Variants in OTOF observed in about 807,000 individuals in gnomAD.
The protein encoded by OTOF is otoferlin, also known as fer-1-like family member 2.
In OTOF, 218 loss-of-function variants were observed where a neutral mutation model predicts 236.8. The ratio of observed to expected loss-of-function variants is 0.92; its 90% CI spans 0.82 to 1.03. The LOEUF is 1.03. Among genes scored for constraint, OTOF ranks in the 50% least tolerant of loss-of-function variants. OTOF has a pLI of 0.00. For missense variants in OTOF, 2,590 were observed against 2,694.4 expected (o/e 0.96, Z 0.86); for synonymous variants, 1,041 against 1,072.5 (o/e 0.97, Z 0.57).
chr2:26,466,690 G>A (rs1664742052), intron 36 of OTOF, 24 bp downstream of exon 36: 1 of 1,613,878 alleles, frequency 6.2e-7, no homozygotes, highest in African/African-American at 1.3e-5. Flanking sequence ...GACTTGCAAG[G>A]AGGGAAAGCG....
chr2:26,523,554 G>A (rs569146954), intron 3 of OTOF, among the ~76,000 whole-genome samples: 2 of 152,334 alleles, frequency 1.3e-5, no homozygotes, highest in South Asian at 2.1e-4. Flanking sequence ...CATCGGTCAT[G>A]TGATGCTGAG....
intron 12 of OTOF, 88 bp from the exon 13 acceptor site, chr2:26,483,736 C>T: frequency 8.1e-7 from 1 of 1,231,654 alleles, no homozygotes; most frequent in East Asian, 2.5e-5. Flanking sequence ...GGTCCTGGCA[C>T]AGTCTCTAAG....
Position 26,482,465 on chromosome 2 carries a change from T to C in OTOF, c.1520A>G (p.Asp507Gly), listed in dbSNP as rs1370923885. The C allele has an allele frequency of 6.2e-7, 1 of 1,613,238 alleles. No individual in the cohort carries two copies. Among genetic ancestry groups the C allele is most frequent in the African/African-American group, 1.3e-5 (1 of 74,944 alleles). The change falls in exon 14 of 47, where the codon GAC becomes GGC. Residue 507 changes from aspartate to glycine, a missense_variant. By Grantham distance (94) the Asp-to-Gly change is moderately conservative (BLOSUM62 -1). Transcript: ENST00000272371. ...AATGAAGTGGGTGCCGATGGCCACG[T>C]CGTTGACCTTGTCCGAGTCTCGGAT... is the stretch of plus-strand genomic sequence containing the variant. Reference protein sequence around the residue: ...VQIRDSDKVNDVAIGTHFIDL... With the variant: ...VQIRDSDKVNGVAIGTHFIDL...
At chr2:26,463,205 A>T (rs554866529) in intron 41 of OTOF, among the ~76,000 whole-genome samples, 2 of 152,102 alleles carry the variant, frequency 1.3e-5, no homozygotes, top group African/African-American at 2.4e-5. Flanking sequence ...GATACAATGC[A>T]CCGGAGTGTG....
At chr2:26,502,162 C>A in intron 7 of OTOF, 138 bp downstream of exon 7, 1 of 904,236 alleles carries the variant, frequency 1.1e-6, no homozygotes, top group South Asian at 1.4e-5. Flanking sequence ...CAAGGAAAAG[C>A]AGAAAAGGGT....
intron 29 of OTOF, 44 bp from the exon 30 acceptor site, chr2:26,472,693 A>C: frequency 6.2e-7 from 1 of 1,606,252 alleles, no homozygotes; most frequent in Non-Finnish European, 8.5e-7. Context: ...GGAAGGAGCA[A>C]GAGGAACAGT....
At chr2:26,502,181 G>A (rs1558502217) in intron 7 of OTOF, 119 bp downstream of exon 7, 2 of 1,087,102 alleles carry the variant, frequency 1.8e-6, no homozygotes, top group Non-Finnish European at 2.8e-6. Flanking sequence ...GTAAGGTTAG[G>A]TTAGGAAGAA....
intron 11 of OTOF, 115 bp from the exon 12 acceptor site, chr2:26,484,748 C>T (rs1370083375): frequency 1.6e-5 from 17 of 1,051,974 alleles, no homozygotes; most frequent in South Asian, 7.4e-5. Context: ...CCTAGAGTCC[C>T]GGGACCTGGG....
Position 26,472,581 on chromosome 2 carries a change from C to G in OTOF, c.3802G>C (p.Val1268Leu), listed in dbSNP as rs769417135. 4.3e-6 allele frequency: 7 copies of G among 1,613,480 alleles called. No individual in the cohort carries two copies. Among genetic ancestry groups the G allele is most frequent in the Non-Finnish European group, 5.9e-6 (7 of 1,180,002 alleles). Residue 1268 changes from valine to leucine, a missense_variant, in exon 30 of 47, where the codon GTG (valine) becomes CTG (leucine). Physicochemically the swap from Val to Leu is conservative, Grantham distance 32 (BLOSUM62 1). Coordinates refer to ENST00000272371, the MANE Select transcript of OTOF (RefSeq NM_194248.3). ...GSSSHSTGEV[V>L]VTMEPEVPIK... ...GGTACCTCTGGCTCCATAGTCACCACAACCTCCCCTGTGGAGTGAGAGGAG... is the reference window on the plus strand; with the variant it reads ...GGTACCTCTGGCTCCATAGTCACCAGAACCTCCCCTGTGGAGTGAGAGGAG...
chr2:26,477,093 C>T lies in OTOF; in HGVS notation c.2524-50G>A, dbSNP rs751402308. On this transcript the variant is annotated intron_variant, in intron 21 of 46. Coordinates refer to ENST00000272371, the MANE Select transcript of OTOF (RefSeq NM_194248.3). The surrounding 1 kb of genome is among the most constrained non-coding windows in gnomAD (Gnocchi z 4.7). ...GCAGTGGGTAAGGGGGTCTAGCCTC[C>T]TGATTGAGCCCCCTGATCCTGAGGG... is the stretch of plus-strand genomic sequence containing the variant. 9.1e-6 allele frequency: 14 copies of T among 1,542,976 alleles called. No homozygotes were observed. In the East Asian group the frequency reaches 2.7e-4, roughly 30 times the overall value.
chr2:26,471,536 C>T (rs1664974305), intron 30 of OTOF, among the ~76,000 whole-genome samples: 1 of 152,218 alleles, frequency 6.6e-6, no homozygotes. Flanking sequence ...GGAAATCCTC[C>T]TCTGACCCAG....
At chr2:26,530,079 G>A (rs995302671) in intron 2 of OTOF, among the ~76,000 whole-genome samples, 7 of 151,752 alleles carry the variant, frequency 4.6e-5, no homozygotes, top group African/African-American at 1.7e-4. Flanking sequence ...GGGGCCGCAG[G>A]AGCCACCGAG....
Position 26,514,155 on chromosome 2 carries a change from C to T in OTOF, c.509+2263G>A, listed in dbSNP as rs111809338. 1.9e-3 allele frequency among the ~76,000 whole-genome samples: 285 copies of T among 152,378 alleles called. 1 individual carries two copies. Among genetic ancestry groups the T allele is most frequent in the African/African-American group, 5.8e-3 (242 of 41,590 alleles). On this transcript the variant is annotated intron_variant, in intron 5 of 46. Transcript: ENST00000272371. ...GGCCTGGCGGGAGAAGGTGTAGCAG[C>T]GATGCCTGTCCCCAATGTGCTCTCA...
chr2:26,475,264 G>T, intron 25 of OTOF, 95 bp downstream of exon 25: 1 of 1,411,376 alleles, frequency 7.1e-7, no homozygotes, highest in Non-Finnish European at 1.0e-6. Flanking sequence ...GGTGGGTGGC[G>T]GAGGTGAGGG....
rs777236383 is a variant in OTOF, at chr2:26,502,316, T to C, written c.694A>G (p.Asn232Asp). 6.2e-7 allele frequency: 1 copy of C among 1,613,930 alleles called. No homozygotes were observed. The highest frequency in any genetic ancestry group is 1.7e-5 in the Admixed American group (1 of 60,006). The part of the protein sequence containing the change: ...SLASVTALTT[N>D]VSNKRSKPDI... ...TCCACTCACCGCTTGTTGGAGACAT[T>C]AGTGGTGAGAGCTGTGACTGAGGCT... is the stretch of plus-strand genomic sequence containing the variant. The change falls in exon 7 of 47, where the codon AAT becomes GAT. Residue 232 changes from asparagine (N) to aspartate (D), a missense_variant. By Grantham distance (23) the Asn-to-Asp change is conservative (BLOSUM62 1). Coordinates refer to ENST00000272371, the MANE Select transcript of OTOF (RefSeq NM_194248.3).
Position 26,461,734 on chromosome 2 carries a change from A to G in OTOF, c.5495T>C (p.Ile1832Thr). Residue 1832 changes from isoleucine to threonine, a missense_variant, in exon 43 of 47, where the codon ATC becomes ACC. Around this residue, in one of 2 missense-constraint regions of OTOF, gnomAD observed 1,211 missense variants for 1,352.8 expected, o/e 0.90. Coordinates refer to ENST00000272371, the MANE Select transcript of OTOF (RefSeq NM_194248.3). The surrounding 1 kb of genome is among the most constrained non-coding windows in gnomAD (Gnocchi z 6.2). ...AGCGGAGAAGTGGTCCGCATCCCAG[A>G]TCTGCAGGGTGAGCCGCGCGGGGAT... is the stretch of plus-strand genomic sequence containing the variant. The part of the protein sequence containing the change: ...YKIPARLTLQ[I>T]WDADHFSADD... 1.2e-6 allele frequency: 2 copies of G among 1,614,070 alleles called. No individual in the cohort carries two copies. The highest frequency in any genetic ancestry group is 1.7e-6 in the Non-Finnish European group (2 of 1,180,012).
intron 2 of OTOF, among the ~76,000 whole-genome samples, chr2:26,528,686 A>T (rs1441784512): frequency 6.6e-6 from 1 of 151,904 alleles, no homozygotes; most frequent in Non-Finnish European, 1.5e-5. Context: ...TTCTGTAAAA[A>T]GCTGCCAATG....
chr2:26,493,755 C>T (rs1375536710), intron 9 of OTOF, among the ~76,000 whole-genome samples: 3 of 151,954 alleles, frequency 2.0e-5, no homozygotes, highest in East Asian at 1.9e-4. Context: ...CGAAGGGGAG[C>T]GGGGTATAAC....
chr2:26,521,015 C>G (rs943222614), intron 3 of OTOF, among the ~76,000 whole-genome samples: 1 of 152,140 alleles, frequency 6.6e-6, no homozygotes, highest in Non-Finnish European at 1.5e-5. Flanking sequence ...TATAAATACT[C>G]CCGCCATGGC....
Sources: gnomAD v4.1 joint callset for allele counts (sites outside exome capture counted in the v4.1 genomes callset) on GRCh38, gnomAD v4.1.1 for gene constraint, gnomAD v4.1.1 regional missense constraint, Gnocchi (gnomAD v3.1) non-coding constraint, MANE v1.5 for transcripts, NCBI Gene and HGNC (gene_info 2026-07-23, HGNC 2026-07-21) for gene names.